The following ARHGEF3 variants were observed in gnomAD, a reference collection of about 807,000 sequenced individuals.
The protein encoded by ARHGEF3 is Rho guanine nucleotide exchange factor 3, also known as 59.8 kDA protein.
ARHGEF3 carries 28 observed loss-of-function variants against 63.2 expected under a neutral mutation model. The observed-to-expected ratio is 0.44, with a 90% CI of 0.33 to 0.61. ARHGEF3 has a LOEUF of 0.61. ARHGEF3 is among the 20% of genes least tolerant of loss of function. The pLI is 0.03. For synonymous variants in ARHGEF3, 266 were observed against 254.2 expected, an observed-to-expected ratio of 1.05 and a Z score of -0.44; for missense variants, 533 against 659.3, an observed-to-expected ratio of 0.81 and a Z score of 2.10.
In ARHGEF3 at chr3:56,974,988, TC is replaced by T. The variant is rs1417147006; in HGVS notation, c.63-16100del. ...CTTGTTTGAAATAAGACCAAAGCTCTCCACTGATGAGACGGATGTGGGATCA... is the reference window on the plus strand; with the variant it reads ...CTTGTTTGAAATAAGACCAAAGCTCTCACTGATGAGACGGATGTGGGATCA... On this transcript the variant is annotated intron_variant, in intron 2 of 12. Coordinates refer to the ARHGEF3 transcript ENST00000338458. 2.0e-5 allele frequency among the ~76,000 whole-genome samples: 3 copies of T among 152,060 alleles called. No individual in the cohort carries two copies. In the South Asian group the frequency reaches 6.2e-4, roughly 32 times the overall value.
At chr3:56,754,947 GAC>G in intron 3 of ARHGEF3, 32 bp downstream of exon 3, 8 of 1,613,570 alleles carry the variant, frequency 5.0e-6, no homozygotes, top group Non-Finnish European at 6.8e-6. Flanking sequence ...CTTTGTTCCA[GAC>G]ACACAGCCAG....
At chr3:56,867,764 C>G (rs1276421375) in intron 4 of ARHGEF3, among the ~76,000 whole-genome samples, 1 of 152,170 alleles carries the variant, frequency 6.6e-6, no homozygotes, top group Non-Finnish European at 1.5e-5. Context: ...AGCTACCGCG[C>G]CTGGCCTGGA....
intron 3 of ARHGEF3, among the ~76,000 whole-genome samples, chr3:56,926,926 A>G (rs978754929): frequency 2.0e-5 from 3 of 152,212 alleles, no homozygotes; most frequent in Non-Finnish European, 4.4e-5. Flanking sequence ...CATACTTAGT[A>G]ACAGGCCCCA....
At chr3:56,759,843 G>A (rs1173607703) in intron 2 of ARHGEF3, among the ~76,000 whole-genome samples, 1 of 152,216 alleles carries the variant, frequency 6.6e-6, no homozygotes, top group Non-Finnish European at 1.5e-5. Context: ...ACTGTGCCCA[G>A]CCTACAATTA....
At chr3:56,811,550 G>GT (rs2038064076) in intron 4 of ARHGEF3, among the ~76,000 whole-genome samples, 1 of 152,178 alleles carries the variant, frequency 6.6e-6, no homozygotes, top group Admixed American at 6.5e-5. Flanking sequence ...TGTGCTGTGG[G>GT]TATTAGACAC....
chr3:56,910,382 T>A (rs1042344332), intron 3 of ARHGEF3, among the ~76,000 whole-genome samples: 7 of 152,182 alleles, frequency 4.6e-5, no homozygotes, highest in African/African-American at 1.7e-4. Flanking sequence ...AAAGATGGGA[T>A]GAGTACAGTC....
In ARHGEF3 at chr3:56,956,863, T is replaced by TATG. The variant is rs1242495985; in HGVS notation, c.129+1959_129+1960insCAT. On this transcript the variant is annotated intron_variant, in intron 3 of 12. Transcript: ENST00000338458. ...TATAGTTCAAAATTGACTGTTAATG[T>TATG]CAGCTATTCCAAAGTGCATACAATC... Among the ~76,000 whole-genome samples, 95 of 152,340 alleles carry TATG rather than the reference T, an allele frequency of 6.2e-4. No individual in the cohort carries two copies. The Middle Eastern group carries it at 0.027, about 44-fold the overall frequency.
chr3:56,750,674 T>TC (rs2034683133), intron 6 of ARHGEF3, among the ~76,000 whole-genome samples: 1 of 150,992 alleles, frequency 6.6e-6, no homozygotes, highest in Non-Finnish European at 1.5e-5. Context: ...TGACAAGTTT[T>TC]TTTTTTTTTT....
In ARHGEF3 at chr3:56,996,891, T is replaced by TTATTA. The variant is rs558528711; in HGVS notation, c.63-38003_63-38002insTAATA. Among the ~76,000 whole-genome samples the TTATTA allele has an allele frequency of 9.8e-3, 545 of 55,846 alleles. 4 individuals carry two copies. The Middle Eastern group carries it at 0.12, about 12-fold the overall frequency. The allele number at this position is 55,846 out of a possible 152,430, so 36.6% of individuals were successfully genotyped here. ...AACATTATTATTATTATTATTATTA[T>TTATTA]TTTTTTTTTTTTTTGCAATTTGCTT... On this transcript the variant is annotated intron_variant, in intron 2 of 12. Coordinates refer to the ARHGEF3 transcript ENST00000338458.
At chr3:56,914,872 G>C (rs1335120719) in intron 3 of ARHGEF3, among the ~76,000 whole-genome samples, 3 of 152,198 alleles carry the variant, frequency 2.0e-5, no homozygotes, top group African/African-American at 7.2e-5. Flanking sequence ...ATTGTTTAAC[G>C]AGTATAGAGT....
At position 56,753,570 on chromosome 3, in the gene ARHGEF3, C is replaced by G; in HGVS notation, c.376-4G>C. 6.2e-7 allele frequency: 1 copy of G among 1,613,122 alleles called. No individual in the cohort carries two copies. The highest frequency in any genetic ancestry group is 8.5e-7 in the Non-Finnish European group (1 of 1,179,646). ...CTTGGGAAAGCTCAAAGATCGCCTG[C>G]AAGGAAAGATAAACATATTCACTGA... On this transcript the variant is annotated splice_polypyrimidine_tract_variant and splice_region_variant and intron_variant, in intron 3 of 9. Coordinates refer to ENST00000296315, the MANE Select transcript of ARHGEF3 (RefSeq NM_019555.3).
chr3:56,947,424 T>G (rs541464772), intron 3 of ARHGEF3, among the ~76,000 whole-genome samples: 3 of 152,176 alleles, frequency 2.0e-5, no homozygotes, highest in Non-Finnish European at 4.4e-5. Context: ...AATAAAGGGA[T>G]GGAGGAAGAT....
intron 1 of ARHGEF3, among the ~76,000 whole-genome samples, chr3:56,801,165 C>CT (rs529305696): frequency 4.9e-4 from 74 of 152,366 alleles, no homozygotes; most frequent in Admixed American, 2.3e-3. Flanking sequence ...ATGACCCTCA[C>CT]TGGCCACAGG....
chr3:56,870,126 C>T (rs1157932661), intron 4 of ARHGEF3, among the ~76,000 whole-genome samples: 1 of 151,950 alleles, frequency 6.6e-6, no homozygotes, highest in East Asian at 1.9e-4. Flanking sequence ...GTATTGGACA[C>T]AACAAAAATG....
chr3:57,043,198 C>A (rs1406972025), intron 1 of ARHGEF3, among the ~76,000 whole-genome samples: 1 of 151,778 alleles, frequency 6.6e-6, no homozygotes, highest in Non-Finnish European at 1.5e-5. Flanking sequence ...TCACTTACAA[C>A]CTCCACCTCC....
At chr3:56,838,061 C>T (rs1208385841) in intron 4 of ARHGEF3, among the ~76,000 whole-genome samples, 3 of 152,064 alleles carry the variant, frequency 2.0e-5, no homozygotes, top group African/African-American at 7.2e-5. Context: ...AGGAAAATAC[C>T]TATTTTTTAA....
At chr3:56,973,870 T>C (rs1405990524) in intron 2 of ARHGEF3, among the ~76,000 whole-genome samples, 1 of 152,186 alleles carries the variant, frequency 6.6e-6, no homozygotes, top group African/African-American at 2.4e-5. Context: ...ACCGAAGTCA[T>C]TAAAATATGA....
At position 57,041,171 on chromosome 3, in the gene ARHGEF3, T is replaced by C. The variant is rs114703413; in HGVS notation, c.-27-5995A>G. Among the ~76,000 whole-genome samples, 1,096 of 152,310 alleles carry C rather than the reference T, an allele frequency of 7.2e-3. 15 individuals are homozygous for C. The highest frequency in any genetic ancestry group is 0.025 in the African/African-American group (1,030 of 41,556). ...CATTCCATTCTGTTCCTAGTTCTGA[T>C]TGTATGTGAACTTCCAGTGCTAATT... On this transcript the variant is annotated intron_variant, in intron 1 of 12. Transcript: ENST00000338458.
intron 2 of ARHGEF3, among the ~76,000 whole-genome samples, chr3:56,968,181 A>AC (rs1363015487): frequency 1.7e-4 from 4 of 23,374 alleles, no homozygotes; most frequent in Non-Finnish European, 3.1e-4. Flanking sequence ...TATATATAAA[A>AC]ATATATATTA....
Sources: allele counts gnomAD v4.1 joint callset (sites outside exome capture counted in the v4.1 genomes callset), GRCh38; gene constraint gnomAD v4.1.1; transcripts MANE v1.5; gene names NCBI Gene and HGNC (gene_info 2026-07-23, HGNC 2026-07-21).